MAST3: variants seen among roughly 807,000 people sequenced by gnomAD.
MAST3 encodes microtubule associated serine/threonine kinase 3.
MAST3 carries 43 observed loss-of-function variants against 127.0 expected under a neutral mutation model. The ratio of observed to expected loss-of-function variants is 0.34; its 90% CI spans 0.27 to 0.44. The LOEUF is 0.44. MAST3 is among the 20% of genes least tolerant of loss of function. The pLI is 1.00. For synonymous variants in MAST3, 785 were observed against 809.2 expected, an observed-to-expected ratio of 0.97 and a Z score of 0.51; for missense variants, 1,390 against 1,919.1, an observed-to-expected ratio of 0.72 and a Z score of 5.15.
chr19:18,123,643 G>A lies in MAST3; in HGVS notation c.621G>A (p.Glu207=). 1.3e-6 allele frequency: 2 copies of A among 1,585,248 alleles called. No homozygotes were observed. Among genetic ancestry groups the A allele is most frequent in the Non-Finnish European group, 1.7e-6 (2 of 1,166,522 alleles). ...TCATGATGAATCACGTGTACCGGGA[G>A]AGGTTCCCCAAGGTGGGCAGCGCCT... is the stretch of plus-strand genomic sequence containing the variant. ...EIVMMNHVYR[E]RFPKATAQME... The change falls in exon 8 of 28, where the codon GAG becomes GAA. Residue 207 remains glutamate, a synonymous_variant. Coordinates refer to ENST00000687212, the MANE Select transcript of MAST3 (RefSeq NM_001393504.1).
At chr19:18,100,343 A>G (rs1319207481) in intron 1 of MAST3, among the ~76,000 whole-genome samples, 1 of 151,674 alleles carries the variant, frequency 6.6e-6, no homozygotes, top group Non-Finnish European at 1.5e-5. Flanking sequence ...CCAGGCTGGT[A>G]TCAAACTCCT....
At position 18,149,809 on chromosome 19, in the gene MAST3, G is replaced by T; in HGVS notation, c.*83G>T. 1 of 1,564,820 alleles carries T rather than the reference G, an allele frequency of 6.4e-7. No individual in the cohort carries two copies. The highest frequency in any genetic ancestry group is 1.1e-5 in the South Asian group (1 of 87,122). On this transcript the variant is annotated 3_prime_UTR_variant, in exon 28 of 28. Transcript: ENST00000687212. This position sits in a 1 kb window ranked among gnomAD's most constrained non-coding sequence, Gnocchi z 5.9. ...TTCCGTAAAGTCATGCCTGGATGGGGACTGAGCCACCAGCCTGACACCCAG... is the reference window on the plus strand; with the variant it reads ...TTCCGTAAAGTCATGCCTGGATGGGTACTGAGCCACCAGCCTGACACCCAG...
intron 7 of MAST3, 53 bp from the exon 8 acceptor site, chr19:18,123,527 C>A: frequency 2.7e-6 from 4 of 1,478,200 alleles, no homozygotes; most frequent in Middle Eastern, 1.8e-4. Context: ...CCAACATCCT[C>A]CCCTGGGGTT....
chr19:18,121,612 G>A (rs1417157417), intron 3 of MAST3, 73 bp from the exon 4 acceptor site: 1 of 1,292,990 alleles, frequency 7.7e-7, no homozygotes, highest in African/African-American at 1.5e-5. Context: ...CTGCGAGTGT[G>A]ATTTAGGCTG....
chr19:18,142,049 C>T (rs1317388106), intron 21 of MAST3, 34 bp downstream of exon 21: 1 of 1,394,152 alleles, frequency 7.2e-7, no homozygotes, highest in African/African-American at 1.5e-5. Flanking sequence ...GCAGATCCAG[C>T]TTCCAAGCCT....
chr19:18,125,152 C>G (rs1199569831), intron 11 of MAST3, among the ~76,000 whole-genome samples: 1 of 152,084 alleles, frequency 6.6e-6, no homozygotes, highest in Non-Finnish European at 1.5e-5. Flanking sequence ...GATTCAAACC[C>G]AGGCCCATCC....
Position 18,144,898 on chromosome 19 carries a change from T to C in MAST3, c.2813-105T>C. ...TGGTGGGGTGACCATGCTTGGGACA[T>C]TGAAGCAACAGCAAAGTGGCCAGGG... On this transcript the variant is annotated intron_variant, in intron 23 of 27. Coordinates refer to ENST00000687212, the MANE Select transcript of MAST3 (RefSeq NM_001393504.1). This position sits in a 1 kb window ranked among gnomAD's most constrained non-coding sequence, Gnocchi z 4.0. 1 of 866,482 alleles carries C rather than the reference T, an allele frequency of 1.2e-6. No homozygotes were observed. Among genetic ancestry groups the C allele is most frequent in the South Asian group, 1.5e-5 (1 of 68,822 alleles). The allele number at this position is 866,482 out of a possible 1,614,324, so 53.7% of individuals were successfully genotyped here. A position where few individuals can be genotyped will look rare whatever the true frequency, so the allele number is the denominator to read the frequency against.
intron 18 of MAST3, 125 bp from the exon 19 acceptor site, chr19:18,137,114 G>A (rs763271915): frequency 7.4e-6 from 9 of 1,219,100 alleles, no homozygotes; most frequent in Admixed American, 2.7e-5. Flanking sequence ...GAGCCACTGC[G>A]CCCGGCCCAT....
Position 18,144,492 on chromosome 19 carries a change from C to T in MAST3, c.2611C>T (p.Arg871Cys). 14 of 1,591,514 alleles carry T rather than the reference C, an allele frequency of 8.8e-6. No individual in the cohort carries two copies. Among genetic ancestry groups the T allele is most frequent in the Non-Finnish European group, 1.1e-5 (13 of 1,171,172 alleles). ...SADTAALSHA[R>C]LRSNSIGARH... ...CGACACAGCTGCTCTCAGCCACGCC[C>T]GCCTACGGAGCAATAGCATCGGCGC... is the stretch of plus-strand genomic sequence containing the variant. The change falls in exon 23 of 28, where the codon CGC becomes TGC. Residue 871 changes from arginine (R) to cysteine (C), a missense_variant. Transcript: ENST00000687212. The surrounding 1 kb of genome is among the most constrained non-coding windows in gnomAD (Gnocchi z 4.0).
intron 19 of MAST3, 47 bp downstream of exon 19, chr19:18,137,408 C>T (rs752688566): frequency 1.3e-6 from 2 of 1,588,046 alleles, no homozygotes; most frequent in Non-Finnish European, 1.7e-6. Context: ...GCTCTGCCAT[C>T]CCTCAGTCCC....
chr19:18,098,161 G>A (rs1461894519), intron 1 of MAST3, among the ~76,000 whole-genome samples: 1 of 152,118 alleles, frequency 6.6e-6, no homozygotes, highest in Non-Finnish European at 1.5e-5. Context: ...ATATGTTCAT[G>A]GTTGTTTTAG....
At chr19:18,128,840 G>T in intron 12 of MAST3, 26 bp from the exon 13 acceptor site, 3 of 1,595,100 alleles carry the variant, frequency 1.9e-6, no homozygotes, top group Non-Finnish European at 2.6e-6. Context: ...AGCGGGGCAG[G>T]ACCCTAAGCC....
intron 1 of MAST3, among the ~76,000 whole-genome samples, chr19:18,100,128 C>CTCTTTTTTTTTTTTTTTT (rs776661078): frequency 1.6e-4 from 19 of 121,704 alleles, no homozygotes; most frequent in Admixed American, 5.7e-4. Flanking sequence ...CTCTCTCTCT[C>CTCTTTTTTTTTTTTTTTT]TTTTTTTTTT....
In MAST3 at chr19:18,120,536, GT is replaced by G. The variant is rs1259801618; in HGVS notation, c.162-1144del. Among the ~76,000 whole-genome samples, 13 of 152,180 alleles carry G rather than the reference GT, an allele frequency of 8.5e-5. No individual in the cohort carries two copies. In the East Asian group the frequency reaches 2.3e-3, roughly 27 times the overall value. On this transcript the variant is annotated intron_variant, in intron 3 of 27. Coordinates refer to ENST00000687212, the MANE Select transcript of MAST3 (RefSeq NM_001393504.1). ...ACAACACTGCCAATAGTTTGTGTTG[GT>G]TTTTGTTATTGTTTTTCAGATGAAG... is the stretch of plus-strand genomic sequence containing the variant.
In MAST3 at chr19:18,150,346, G is replaced by A. The variant is rs1383844919; in HGVS notation, c.*620G>A. On this transcript the variant is annotated 3_prime_UTR_variant, in exon 28 of 28. Coordinates refer to ENST00000687212, the MANE Select transcript of MAST3 (RefSeq NM_001393504.1). ...AGCCGCCCCCTGAAGGCGGCTGCCA[G>A]GTCTTGCCCCAGGCACCTGGGACTC... is the stretch of plus-strand genomic sequence containing the variant. 6.6e-6 allele frequency: 1 copy of A among 152,384 alleles called. No homozygotes were observed. Among genetic ancestry groups the A allele is most frequent in the Non-Finnish European group, 1.5e-5 (1 of 68,164 alleles). 9.4% of individuals were successfully genotyped at this position (152,384 alleles called of 1,614,324 possible).
At chr19:18,125,355 A>G (rs1215613959) in intron 11 of MAST3, among the ~76,000 whole-genome samples, 2 of 152,210 alleles carry the variant, frequency 1.3e-5, no homozygotes, top group African/African-American at 4.8e-5. Context: ...CAAATTCACA[A>G]ATGACTTTAC....
chr19:18,105,099 G>C (rs1396033197), intron 1 of MAST3, among the ~76,000 whole-genome samples: 1 of 152,170 alleles, frequency 6.6e-6, no homozygotes, highest in African/African-American at 2.4e-5. Flanking sequence ...CGGGTGCGAT[G>C]GCTTACACTG....
At chr19:18,123,475 C>A in intron 7 of MAST3, 101 bp downstream of exon 7, 1 of 1,476,888 alleles carries the variant, frequency 6.8e-7, no homozygotes, top group Non-Finnish European at 9.1e-7. Flanking sequence ...CCTGCCTGAG[C>A]CTAGCCTCTG....
chr19:18,143,692 C>T, intron 21 of MAST3, 71 bp from the exon 22 acceptor site: 2 of 1,583,408 alleles, frequency 1.3e-6, no homozygotes, highest in South Asian at 1.1e-5. Flanking sequence ...TAAGATGTGG[C>T]CATGAAGGTG....
Sources: gnomAD v4.1 joint callset for allele counts (sites outside exome capture counted in the v4.1 genomes callset) on GRCh38, gnomAD v4.1.1 for gene constraint, Gnocchi (gnomAD v3.1) non-coding constraint, MANE v1.5 for transcripts, NCBI Gene and HGNC (gene_info 2026-07-23, HGNC 2026-07-21) for gene names.